ZSCAN32: variants seen among roughly 807,000 people sequenced by gnomAD.
The protein encoded by ZSCAN32 is zinc finger and SCAN domain containing 32.
ZSCAN32 carries 52 observed loss-of-function variants against 47.4 expected under a neutral mutation model. That is an observed-to-expected ratio of 1.10 (90% CI 0.88 to 1.38). The LOEUF (loss-of-function observed/expected upper bound fraction) is 1.38, where lower values mean the gene tolerates loss of function less well. ZSCAN32 is among the 40% of genes most tolerant of loss of function. The pLI is 0.00. For synonymous variants in ZSCAN32, 346 were observed against 305.7 expected (o/e 1.13, Z -1.38); for missense variants, 959 against 846.0 (o/e 1.13, Z -1.66).
chr16:3,390,019 C>G lies in ZSCAN32; in HGVS notation c.742G>C (p.Val248Leu), dbSNP rs376157839. 1.2e-6 allele frequency: 2 copies of G among 1,612,188 alleles called. No individual in the cohort carries two copies. The highest frequency in any genetic ancestry group is 1.7e-6 in the Non-Finnish European group (2 of 1,179,182). Residue 248 changes from valine to leucine, a missense_variant, in exon 5 of 7, where the codon GTC becomes CTC. Val to Leu is a conservative substitution (Grantham distance 32). Coordinates refer to ENST00000396852, the MANE Select transcript of ZSCAN32 (RefSeq NM_001284527.2). ...GAAGATGGATCCTTACCCAGCGAGA[C>G]GTGACTGTCCTTCCTCTGGGTGGCA... is the stretch of plus-strand genomic sequence containing the variant. ...RGATQRKDSH[V>L]SLATGVPWGY...
Position 3,383,713 on chromosome 16 carries a change from T to TAA in ZSCAN32, c.1235-3_1235-2insTT. On this transcript the variant is annotated splice_region_variant and splice_polypyrimidine_tract_variant and intron_variant, in intron 6 of 6. Coordinates refer to ENST00000396852, the MANE Select transcript of ZSCAN32 (RefSeq NM_001284527.2). ...TAATCTCGTTCTTGAACTCAAAACC[T>TAA]GAAAAAAAAAAACCCCACAGAAATA... is the stretch of plus-strand genomic sequence containing the variant. 2 of 1,555,268 alleles carry TAA rather than the reference T, an allele frequency of 1.3e-6. No individual in the cohort carries two copies. The highest frequency in any genetic ancestry group is 2.9e-5 in the African/African-American group (2 of 69,930).
At chr16:3,384,311 A>G in intron 6 of ZSCAN32, 148 bp downstream of exon 6, 1 of 1,144,262 alleles carries the variant, frequency 8.7e-7, no homozygotes. Context: ...ATAACCTTTA[A>G]CTCCATGAAA....
intron 6 of ZSCAN32, 66 bp downstream of exon 6, chr16:3,384,393 G>T: frequency 6.3e-7 from 1 of 1,591,010 alleles, no homozygotes; most frequent in Non-Finnish European, 8.6e-7. Context: ...CTACTCAACT[G>T]CTAGGCTAAT....
chr16:3,387,160 T>C (rs2032109539), intron 5 of ZSCAN32, among the ~76,000 whole-genome samples: 1 of 152,204 alleles, frequency 6.6e-6, no homozygotes, highest in Admixed American at 6.5e-5. Flanking sequence ...TACTCATTCC[T>C]CCTGGAGAGG....
At chr16:3,397,835 C>CG in intron 1 of ZSCAN32, 91 bp from the exon 2 acceptor site, 2 of 263,990 alleles carry the variant, frequency 7.6e-6, no homozygotes, top group Non-Finnish European at 1.4e-5. Context: ...TCCTTTACTC[C>CG]CTCCACAAAT....
In ZSCAN32 at chr16:3,384,558, C is replaced by T. The variant is rs770604701; in HGVS notation, c.1135G>A (p.Gly379Ser). 6.2e-7 allele frequency: 1 copy of T among 1,614,184 alleles called. No individual in the cohort carries two copies. Among genetic ancestry groups the T allele is most frequent in the Non-Finnish European group, 8.5e-7 (1 of 1,180,028 alleles). Residue 379 changes from glycine (G) to serine (S), a missense_variant, in exon 6 of 7, where the codon GGC becomes AGC. Gly to Ser is a moderately conservative substitution (Grantham distance 56). Transcript: ENST00000396852. ...QNGEPTEVEDGTVDGADRDEK... is the reference protein window; with the variant it reads ...QNGEPTEVEDSTVDGADRDEK... ...TCCCTGTCTGCACCATCCACAGTGC[C>T]ATCTTCTACCTCCGTGGGTTCCCCA...
chr16:3,396,292 C>T (rs1201482238), intron 2 of ZSCAN32, among the ~76,000 whole-genome samples: 1 of 152,202 alleles, frequency 6.6e-6, no homozygotes, highest in African/African-American at 2.4e-5. Flanking sequence ...CTTCCCCTCT[C>T]TAAATTAAGT....
chr16:3,382,976 C>A lies in ZSCAN32; in HGVS notation c.1970G>T (p.Gly657Val). Residue 657 changes from glycine (G) to valine (V), a missense_variant, in exon 7 of 7, where the codon GGT (glycine) becomes GTT (valine). By Grantham distance (109) the Gly-to-Val change is moderately radical (BLOSUM62 -3). Transcript: ENST00000396852. ...HFSAHRKTHT[G>V]EKPYRCSHCE... The stretch of plus-strand genomic sequence containing the variant: ...GTGAGAACACCTGTAAGGCTTTTCA[C>A]CAGTGTGGGTTTTTCGGTGGGCACT... The A allele has an allele frequency of 1.2e-6, 2 of 1,614,098 alleles. No individual in the cohort carries two copies. The highest frequency in any genetic ancestry group is 4.5e-5 in the East Asian group (2 of 44,884).
intron 5 of ZSCAN32, among the ~76,000 whole-genome samples, chr16:3,388,795 C>T (rs1355186672): frequency 6.6e-6 from 1 of 152,124 alleles, no homozygotes; most frequent in Non-Finnish European, 1.5e-5. Flanking sequence ...TTCAGAATAG[C>T]TCAATCCACA....
chr16:3,383,543 G>A lies in ZSCAN32; in HGVS notation c.1403C>T (p.Ser468Phe). 1 of 1,614,100 alleles carries A rather than the reference G, an allele frequency of 6.2e-7. No individual in the cohort carries two copies. The highest frequency in any genetic ancestry group is 8.5e-7 in the Non-Finnish European group (1 of 1,180,038). The change falls in exon 7 of 7, where the codon TCT (serine) becomes TTT (phenylalanine). Residue 468 changes from serine (S) to phenylalanine (F), a missense_variant. Physicochemically the swap from Ser to Phe is radical, Grantham distance 155. Transcript: ENST00000396852. The part of the protein sequence containing the change: ...EPTSRRQCRN[S>F]PGESEEKTPS... Reference sequence around the variant, plus strand: ...GGTTTTCTCCTCACTCTCCCCTGGAGAATTTCTACATTGCCTTCTTGATGT... The same window carrying A: ...GGTTTTCTCCTCACTCTCCCCTGGAAAATTTCTACATTGCCTTCTTGATGT...
chr16:3,393,561 AC>A, intron 3 of ZSCAN32, 87 bp downstream of exon 3: 3 of 1,320,094 alleles, frequency 2.3e-6, no homozygotes, highest in Non-Finnish European at 2.0e-6. Context: ...TTAGTCTGGA[AC>A]CCTTGGGTGG....
At chr16:3,394,502 C>T (rs2033180945) in intron 2 of ZSCAN32, among the ~76,000 whole-genome samples, 1 of 152,180 alleles carries the variant, frequency 6.6e-6, no homozygotes. Flanking sequence ...CTCTTCACCT[C>T]ATGGCTCCAT....
At chr16:3,390,949 A>G (rs760241131) in intron 3 of ZSCAN32, among the ~76,000 whole-genome samples, 55 of 152,364 alleles carry the variant, frequency 3.6e-4, no homozygotes, top group Non-Finnish European at 7.1e-4. Flanking sequence ...ACTCTTTAAA[A>G]TACCACAGTA....
chr16:3,398,303 C>A (rs903140385), intron 1 of ZSCAN32, among the ~76,000 whole-genome samples: 4 of 152,078 alleles, frequency 2.6e-5, no homozygotes, highest in Non-Finnish European at 5.9e-5. Flanking sequence ...ACCAGGGACT[C>A]CTCTGTGGCT....
intron 3 of ZSCAN32, among the ~76,000 whole-genome samples, chr16:3,392,804 C>T (rs895711370): frequency 4.0e-5 from 6 of 151,182 alleles, no homozygotes; most frequent in South Asian, 2.1e-4. Flanking sequence ...CCAGCCTGGG[C>T]GACAGAGCAA....
rs777388904 is a variant in ZSCAN32, at chr16:3,397,402, A to C, written c.156T>G (p.His52Gln). ...QFCYQEVTGP[H>Q]EAFSKLWELC... ...GTTCCCAGAGTTTGCTAAAAGCTTC[A>C]TGTGGGCCAGTTACCTCCTGGTAGC... The change falls in exon 2 of 7, where the codon CAT becomes CAG. Residue 52 changes from histidine (H) to glutamine (Q), a missense_variant. By Grantham distance (24) the His-to-Gln change is conservative. Coordinates refer to ENST00000396852, the MANE Select transcript of ZSCAN32 (RefSeq NM_001284527.2). 3 of 1,553,100 alleles carry C rather than the reference A, an allele frequency of 1.9e-6. No individual in the cohort carries two copies. The highest frequency in any genetic ancestry group is 2.6e-6 in the Non-Finnish European group (3 of 1,148,562).
At chr16:3,387,452 A>C (rs1200928390) in intron 5 of ZSCAN32, among the ~76,000 whole-genome samples, 1 of 152,250 alleles carries the variant, frequency 6.6e-6, no homozygotes, top group Non-Finnish European at 1.5e-5. Flanking sequence ...AGTAGTAAAC[A>C]TCTGAGAAGA....
rs2031708407 is a variant in ZSCAN32 at position 3,384,596 on chromosome 16, A to T, written c.1097T>A (p.Leu366Gln). The change falls in exon 6 of 7, where the codon CTG becomes CAG. Residue 366 changes from leucine to glutamine, a missense_variant. Coordinates refer to ENST00000396852, the MANE Select transcript of ZSCAN32 (RefSeq NM_001284527.2). ...QEGSDIEAGE[L>Q]NHQNGEPTEV... ...CGTGGGTTCCCCATTCTGGTGATTCAGCTCTCCAGCCTCAATATCACTTCC... is the reference window on the plus strand; with the variant it reads ...CGTGGGTTCCCCATTCTGGTGATTCTGCTCTCCAGCCTCAATATCACTTCC... 1 of 1,614,132 alleles carries T rather than the reference A, an allele frequency of 6.2e-7. No homozygotes were observed. Among genetic ancestry groups the T allele is most frequent in the Non-Finnish European group, 8.5e-7 (1 of 1,180,024 alleles).
Position 3,383,282 on chromosome 16 carries a change from C to T in ZSCAN32, c.1664G>A (p.Gly555Glu), listed in dbSNP as rs368130061. 7 of 1,614,090 alleles carry T rather than the reference C, an allele frequency of 4.3e-6. No individual in the cohort carries two copies. The highest frequency in any genetic ancestry group is 5.9e-6 in the Non-Finnish European group (7 of 1,180,052). ...GTTGGAGCGCTCACTAAAGCCCTTC[C>T]CGCACTCACTGCACTTGTGAGGCTT... ...GEKPHKCSEC[G>E]KGFSERSNLT... Residue 555 changes from glycine (G) to glutamate (E), a missense_variant, in exon 7 of 7, where the codon GGG becomes GAG. Coordinates refer to ENST00000396852, the MANE Select transcript of ZSCAN32 (RefSeq NM_001284527.2).
Sources: allele counts gnomAD v4.1 joint callset (sites outside exome capture counted in the v4.1 genomes callset), GRCh38; gene constraint gnomAD v4.1.1; transcripts MANE v1.5; gene names NCBI Gene and HGNC (gene_info 2026-07-23, HGNC 2026-07-21).